ARHGAP6: variants seen among roughly 807,000 people sequenced by gnomAD.
ARHGAP6 encodes the protein rho GTPase-activating protein 6.
Under a neutral mutation model 55.7 loss-of-function variants are expected in ARHGAP6, and 16 were observed. That is an observed-to-expected ratio of 0.29 (90% CI 0.19 to 0.44). The LOEUF (loss-of-function observed/expected upper bound fraction) is 0.44. Among genes scored for constraint, ARHGAP6 ranks in the 20% least tolerant of loss-of-function variants. The pLI, the probability that ARHGAP6 is intolerant of heterozygous loss-of-function variation, is 1.00. For synonymous variants in ARHGAP6, 382 were observed against 360.9 expected (o/e 1.06, Z -0.66); for missense variants, 698 against 808.9 (o/e 0.86, Z 1.66).
chrX:11,277,381 G>C (rs2047787207), intron 1 of ARHGAP6, among the ~76,000 whole-genome samples: 1 of 107,025 alleles, frequency 9.3e-6, no homozygotes, highest in Non-Finnish European at 1.9e-5. Flanking sequence ...CAATGATTTT[G>C]GGTATATAAC....
Position 11,273,070 on chromosome X carries a change from C to T in ARHGAP6, c.589-18363G>A, listed in dbSNP as rs953072611. 8.1e-5 allele frequency among the ~76,000 whole-genome samples: 9 copies of T among 110,612 alleles called. No individual in the cohort carries two copies. The East Asian group carries it at 8.5e-4, about 11-fold the overall frequency. ...TTATGATAAATGAACGTGTCACATG[C>T]GCTGATAGACCCAGGTTTTGATTGC... On this transcript the variant is annotated intron_variant, in intron 1 of 12. Transcript: ENST00000337414.
intron 1 of ARHGAP6, among the ~76,000 whole-genome samples, chrX:11,259,020 G>T (rs1414036266): frequency 9.0e-6 from 1 of 111,561 alleles, no homozygotes; most frequent in East Asian, 2.8e-4. Flanking sequence ...TTTTAAAAAT[G>T]TACAGTTAAG....
chrX:11,314,046 C>A (rs2147605464), intron 1 of ARHGAP6, among the ~76,000 whole-genome samples: 1 of 112,374 alleles, frequency 8.9e-6, no homozygotes, highest in Admixed American at 9.4e-5. Flanking sequence ...TCTCGTTTGG[C>A]TGTGATTTTT....
chrX:11,286,038 A>G (rs2047917873), intron 1 of ARHGAP6, among the ~76,000 whole-genome samples: 1 of 111,945 alleles, frequency 8.9e-6, no homozygotes, highest in Non-Finnish European at 1.9e-5. Flanking sequence ...GCTCTTTGAG[A>G]ACCATTAATT....
intron 1 of ARHGAP6, among the ~76,000 whole-genome samples, chrX:11,428,575 A>G (rs2049912806): frequency 8.9e-6 from 1 of 111,882 alleles, no homozygotes; most frequent in Non-Finnish European, 1.9e-5. Flanking sequence ...AGACTCATGA[A>G]TCAATCAATG....
intron 1 of ARHGAP6, among the ~76,000 whole-genome samples, chrX:11,339,580 T>C (rs991515635): frequency 9.0e-6 from 1 of 111,023 alleles, no homozygotes; most frequent in Non-Finnish European, 1.9e-5. Flanking sequence ...AGTGAATAAA[T>C]TGTTAATAAT....
chrX:11,533,339 T>C (rs1384487223), intron 1 of ARHGAP6, among the ~76,000 whole-genome samples: 2 of 112,050 alleles, frequency 1.8e-5, no homozygotes, highest in Non-Finnish European at 3.8e-5. Context: ...GCACTTAAGA[T>C]CCTTTATAAT....
At position 11,664,608 on chromosome X, in the gene ARHGAP6, C is replaced by A; in HGVS notation, c.221G>T (p.Ser74Ile). The A allele has an allele frequency of 8.5e-7, 1 of 1,172,933 alleles. No homozygotes were observed. Among genetic ancestry groups the A allele is most frequent in the South Asian group, 1.9e-5 (1 of 53,022 alleles). Residue 74 changes from serine (S) to isoleucine (I), a missense_variant, in exon 1 of 13, where the codon AGT becomes ATT. Coordinates refer to ENST00000337414, the MANE Select transcript of ARHGAP6 (RefSeq NM_013427.3). ...AGAGGACGCCAAGCGAGGGCCGAGA[C>A]TCTCGGCTGGGAGTGATGGGGAGTA... ...RLYSPSLPAE[S>I]LGPRLASSSR...
chrX:11,313,896 G>T (rs781470736), intron 1 of ARHGAP6, among the ~76,000 whole-genome samples: 28 of 111,852 alleles, frequency 2.5e-4, no homozygotes, highest in South Asian at 7.5e-4. Flanking sequence ...GAATCACCTG[G>T]GGTTACTTTT....
intron 1 of ARHGAP6, among the ~76,000 whole-genome samples, chrX:11,355,369 G>A (rs1482675167): frequency 1.8e-5 from 2 of 112,256 alleles, no homozygotes; most frequent in Non-Finnish European, 3.8e-5. Context: ...GTGAAAGCTT[G>A]GTCATTTGAC....
intron 1 of ARHGAP6, among the ~76,000 whole-genome samples, chrX:11,549,584 C>G (rs1156936086): frequency 8.9e-6 from 1 of 111,926 alleles, no homozygotes; most frequent in Non-Finnish European, 1.9e-5. Context: ...ACACAAATCA[C>G]CTAGAAATGC....
At chrX:11,370,853 T>C (rs1199752961) in intron 1 of ARHGAP6, among the ~76,000 whole-genome samples, 4 of 111,151 alleles carry the variant, frequency 3.6e-5, no homozygotes, top group Non-Finnish European at 5.7e-5. Flanking sequence ...TTAACTATTC[T>C]TGACACTTAC....
At chrX:11,290,228 A>G (rs1173164289) in intron 1 of ARHGAP6, among the ~76,000 whole-genome samples, 2 of 111,703 alleles carry the variant, frequency 1.8e-5, no homozygotes, top group Non-Finnish European at 3.8e-5. Flanking sequence ...TCACTGTAGG[A>G]TTTCTTTCAG....
At chrX:11,304,744 C>G (rs1228617376) in intron 1 of ARHGAP6, among the ~76,000 whole-genome samples, 1 of 106,400 alleles carries the variant, frequency 9.4e-6, no homozygotes, top group Non-Finnish European at 1.9e-5. Context: ...CAGCTAATTC[C>G]ACATTATAAG....
At chrX:11,568,536 C>T (rs1036933096) in intron 1 of ARHGAP6, among the ~76,000 whole-genome samples, 1 of 111,702 alleles carries the variant, frequency 9.0e-6, no homozygotes, top group African/African-American at 3.3e-5. Flanking sequence ...GTGGGCAGAT[C>T]ACTTGAGGTC....
At chrX:11,210,599 A>G (rs762623713) in intron 2 of ARHGAP6, among the ~76,000 whole-genome samples, 3 of 112,418 alleles carry the variant, frequency 2.7e-5, no homozygotes, top group Non-Finnish European at 5.6e-5. Flanking sequence ...ACACAGGGAC[A>G]TTTATTTTGT....
At chrX:11,153,144 G>C (rs940737509) in intron 10 of ARHGAP6, among the ~76,000 whole-genome samples, 4 of 111,796 alleles carry the variant, frequency 3.6e-5, no homozygotes, top group South Asian at 3.7e-4. Context: ...GAGCTTGTTA[G>C]AAATTCAGAT....
At chrX:11,160,472 A>T (rs1044989891) in intron 9 of ARHGAP6, among the ~76,000 whole-genome samples, 24 of 108,472 alleles carry the variant, frequency 2.2e-4, no homozygotes, top group African/African-American at 8.1e-4. Flanking sequence ...AAAAAAAAAA[A>T]TTTCGCTCCA....
At chrX:11,382,117 A>G (rs766435128) in intron 1 of ARHGAP6, among the ~76,000 whole-genome samples, 48 of 111,632 alleles carry the variant, frequency 4.3e-4, no homozygotes, top group Admixed American at 9.5e-4. Flanking sequence ...CAAAGATGAT[A>G]ATGGTGATGG....
Sources: gnomAD v4.1 joint callset for allele counts (sites outside exome capture counted in the v4.1 genomes callset) on GRCh38, gnomAD v4.1.1 for gene constraint, MANE v1.5 for transcripts, NCBI Gene and HGNC (gene_info 2026-07-23, HGNC 2026-07-21) for gene names.